SPRY1: variants seen among roughly 807,000 people sequenced by gnomAD.
The protein encoded by SPRY1 is sprouty RTK signaling antagonist 1.
SPRY1 carries 20 observed loss-of-function variants against 22.6 expected under a neutral mutation model. The ratio of observed to expected loss-of-function variants is 0.89; its 90% CI spans 0.62 to 1.29. The LOEUF (loss-of-function observed/expected upper bound fraction) is 1.29, where lower values mean the gene tolerates loss of function less well. SPRY1 is among the 50% of genes most tolerant of loss of function. The probability of loss-of-function intolerance (pLI) is 0.00; values close to 1 mark genes in which losing one functional copy is unlikely to be tolerated. For synonymous variants in SPRY1, 155 were observed against 144.7 expected, an observed-to-expected ratio of 1.07 and a Z score of -0.51; for missense variants, 446 against 387.7, an observed-to-expected ratio of 1.15 and a Z score of -1.26.
At chr4:123,399,950 C>A (rs1381256845) in intron 2 of SPRY1, 1 of 152,132 alleles carries the variant, frequency 6.6e-6, no homozygotes, top group African/African-American at 2.4e-5. Context: ...TTTTGTCTGG[C>A]AACTTTATTT....
chr4:123,401,034 CTTAA>C (rs1429456312), intron 2 of SPRY1, among the ~76,000 whole-genome samples: 2 of 152,112 alleles, frequency 1.3e-5, no homozygotes, highest in African/African-American at 4.8e-5. Context: ...TTTTTAATGC[CTTAA>C]TTTTTTTCAT....
At chr4:123,397,165 G>T (rs1305168439) in intron 1 of SPRY1, among the ~76,000 whole-genome samples, 1 of 152,164 alleles carries the variant, frequency 6.6e-6, no homozygotes, top group African/African-American at 2.4e-5. Context: ...AACAGTAGAC[G>T]TTTAAAGTCT....
intron 2 of SPRY1, 28 bp from the exon 3 acceptor site, chr4:123,401,509 G>T: frequency 4.0e-6 from 6 of 1,515,650 alleles, no homozygotes; most frequent in South Asian, 2.7e-5. Context: ...TTTATTTTCT[G>T]TTTTTTTCAT....
At position 123,402,669 on chromosome 4, in the gene SPRY1, C is replaced by G; in HGVS notation, c.*118C>G. On this transcript the variant is annotated 3_prime_UTR_variant, in exon 3 of 3. Coordinates refer to ENST00000651917, the MANE Select transcript of SPRY1 (RefSeq NM_001258038.2). ...TTCCCTGTTTCCCACCTTCTCTTCC[C>G]CTGTTGCCAAGGTCTAACTCATGGA... 1 of 1,329,628 alleles carries G rather than the reference C, an allele frequency of 7.5e-7. No individual in the cohort carries two copies. The highest frequency in any genetic ancestry group is 2.4e-5 in the East Asian group (1 of 42,104). The allele number at this position is 1,329,628 out of a possible 1,614,324, so 82.4% of individuals were successfully genotyped here.
rs766226331 is a variant in SPRY1 at position 123,401,649 on chromosome 4, T to C, written c.58T>C (p.Ser20Pro). Residue 20 changes from serine to proline, a missense_variant, in exon 3 of 3, where the codon TCT (serine) becomes CCT (proline). Transcript: ENST00000651917. Reference sequence around the variant, plus strand: ...TTCGTTAGTTGTGATCCAGCAGCCTTCTTTGGATAGCCGTCAGAGATTAGA... The same window carrying C: ...TTCGTTAGTTGTGATCCAGCAGCCTCCTTTGGATAGCCGTCAGAGATTAGA... ...GSSLVVIQQPSLDSRQRLDYE... is the reference protein window; with the variant it reads ...GSSLVVIQQPPLDSRQRLDYE... 5 of 1,614,162 alleles carry C rather than the reference T, an allele frequency of 3.1e-6. No individual in the cohort carries two copies. Among genetic ancestry groups the C allele is most frequent in the East Asian group, 2.2e-5 (1 of 44,874 alleles).
intron 2 of SPRY1, among the ~76,000 whole-genome samples, chr4:123,400,841 T>C (rs1186010992): frequency 6.6e-6 from 1 of 152,178 alleles, no homozygotes; most frequent in Non-Finnish European, 1.5e-5. Flanking sequence ...TTATATATCA[T>C]TCACTGGACT....
Position 123,402,719 on chromosome 4 carries a change from C to A in SPRY1, c.*168C>A. On this transcript the variant is annotated 3_prime_UTR_variant, in exon 3 of 3. Coordinates refer to ENST00000651917, the MANE Select transcript of SPRY1 (RefSeq NM_001258038.2). ...ATTTTTCTCTTTCCTCATGGATGAT[C>A]TTCAGCAAGAGTGGACTGGGAAGCT... 1 of 887,696 alleles carries A rather than the reference C, an allele frequency of 1.1e-6. No individual in the cohort carries two copies. The highest frequency in any genetic ancestry group is 1.7e-6 in the Non-Finnish European group (1 of 592,034). 55.0% of individuals were successfully genotyped at this position (887,696 alleles called of 1,614,324 possible).
At position 123,397,862 on chromosome 4, in the gene SPRY1, A is replaced by C. The variant is rs2126194420; in HGVS notation, c.-56+6A>C. ...AAAAAAAAAAAAAGAAAAGGGTAAA[A>C]AAATCCCCCTCCCCCTCCCGGCCGC... is the stretch of plus-strand genomic sequence containing the variant. On this transcript the variant is annotated splice_donor_region_variant and intron_variant, in intron 2 of 2. Transcript: ENST00000651917. 6.6e-6 allele frequency: 1 copy of C among 151,684 alleles called. No individual in the cohort carries two copies. The highest frequency in any genetic ancestry group is 2.4e-5 in the African/African-American group (1 of 41,376). The allele number at this position is 151,684 out of a possible 1,614,324, so 9.4% of individuals were successfully genotyped here. A position where few individuals can be genotyped will look rare whatever the true frequency, so the allele number is the denominator to read the frequency against.
chr4:123,402,414 C>T lies in SPRY1; in HGVS notation c.823C>T (p.Pro275Ser), dbSNP rs776763816. Reference protein sequence around the residue: ...LFLPCLLCYPPAKGCLKLCRR... With the variant: ...LFLPCLLCYPSAKGCLKLCRR... ...TTTACCTTGCTTACTCTGTTATCCT[C>T]CTGCTAAAGGATGCCTGAAGCTGTG... The change falls in exon 3 of 3, where the codon CCT becomes TCT. Residue 275 changes from proline (P) to serine (S), a missense_variant. Transcript: ENST00000651917. 1.1e-5 allele frequency: 18 copies of T among 1,614,060 alleles called. No homozygotes were observed. Among genetic ancestry groups the T allele is most frequent in the East Asian group, 6.7e-5 (3 of 44,894 alleles).
intron 2 of SPRY1, among the ~76,000 whole-genome samples, chr4:123,401,190 C>G (rs1333701649): frequency 6.6e-6 from 1 of 152,190 alleles, no homozygotes; most frequent in Non-Finnish European, 1.5e-5. Context: ...GAGAGTTATT[C>G]TCCTGCTTAT....
At position 123,402,353 on chromosome 4, in the gene SPRY1, C is replaced by G. The variant is rs750666163; in HGVS notation, c.762C>G (p.Cys254Trp). 1.2e-6 allele frequency: 2 copies of G among 1,614,212 alleles called. No homozygotes were observed. Among genetic ancestry groups the G allele is most frequent in the Non-Finnish European group, 1.7e-6 (2 of 1,180,030 alleles). The change falls in exon 3 of 3, where the codon TGC (cysteine) becomes TGG (tryptophan). Residue 254 changes from cysteine (C) to tryptophan (W), a missense_variant. By Grantham distance (215) the Cys-to-Trp change is radical. Transcript: ENST00000651917. ...GCTCCTGTTCACAATCACACTGCTGCTCTAGATACCTGTGTATGGGAGCCA... is the reference window on the plus strand; with the variant it reads ...GCTCCTGTTCACAATCACACTGCTGGTCTAGATACCTGTGTATGGGAGCCA... Reference protein sequence around the residue: ...NPCSCSQSHCCSRYLCMGAMS... With the variant: ...NPCSCSQSHCWSRYLCMGAMS...
chr4:123,400,357 C>T (rs1725096597), intron 2 of SPRY1: 1 of 152,172 alleles, frequency 6.6e-6, no homozygotes, highest in South Asian at 2.1e-4. Context: ...TGCGTTGTTC[C>T]TTAAACCATG....
In SPRY1 at chr4:123,401,797, C is replaced by G. The variant is rs754063951; in HGVS notation, c.206C>G (p.Pro69Arg). 13 of 1,614,150 alleles carry G rather than the reference C, an allele frequency of 8.1e-6. No individual in the cohort carries two copies. The highest frequency in any genetic ancestry group is 1.1e-5 in the Non-Finnish European group (13 of 1,180,032). ...AAAAGACCTGCTCCTCGGACAGCAC[C>G]AAGACAAGAAAAGCATGAAAGGACT... ...VVKRPAPRTA[P>R]RQEKHERTHE... is the part of the protein sequence containing the mutation. The change falls in exon 3 of 3, where the codon CCA (proline) becomes CGA (arginine). Residue 69 changes from proline to arginine, a missense_variant. Pro to Arg is a moderately radical substitution (Grantham distance 103). Transcript: ENST00000651917.
chr4:123,402,792 G>T lies in SPRY1; in HGVS notation c.*241G>T, dbSNP rs1725229366. On this transcript the variant is annotated 3_prime_UTR_variant, in exon 3 of 3. Coordinates refer to ENST00000651917, the MANE Select transcript of SPRY1 (RefSeq NM_001258038.2). Reference sequence around the variant, plus strand: ...AAGAGCCTCTGCCATCCACTTGAGGGTATTGAGAGCCAGTGGGCTTTTGTG... The same window carrying T: ...AAGAGCCTCTGCCATCCACTTGAGGTTATTGAGAGCCAGTGGGCTTTTGTG... The T allele has an allele frequency of 3.5e-6, 2 of 569,302 alleles. No homozygotes were observed. Among genetic ancestry groups the T allele is most frequent in the Middle Eastern group, 4.7e-4 (1 of 2,136 alleles). 35.3% of individuals were successfully genotyped at this position (569,302 alleles called of 1,614,324 possible).
Position 123,403,365 on chromosome 4 carries a change from A to G in SPRY1, c.*814A>G, listed in dbSNP as rs905149672. 6.0e-6 allele frequency: 1 copy of G among 167,088 alleles called. No homozygotes were observed. Among genetic ancestry groups the G allele is most frequent in the Admixed American group, 6.5e-5 (1 of 15,280 alleles). 10.4% of individuals were successfully genotyped at this position (167,088 alleles called of 1,614,324 possible). Reference sequence around the variant, plus strand: ...TCAAGTTGATATTTATAGCTGATCAATCTATATGTGTCACAGAACTATGCT... The same window carrying G: ...TCAAGTTGATATTTATAGCTGATCAGTCTATATGTGTCACAGAACTATGCT... On this transcript the variant is annotated 3_prime_UTR_variant, in exon 3 of 3. Transcript: ENST00000651917.
chr4:123,401,947 G>A lies in SPRY1; in HGVS notation c.356G>A (p.Ser119Asn). The change falls in exon 3 of 3, where the codon AGT (serine) becomes AAT (asparagine). Residue 119 changes from serine to asparagine, a missense_variant. Physicochemically the swap from Ser to Asn is conservative, Grantham distance 46. Coordinates refer to ENST00000651917, the MANE Select transcript of SPRY1 (RefSeq NM_001258038.2). ...PILSRSTSTG[S>N]AASSGSNSSA... ...TTGAGCAGATCAACCAGCACTGGAA[G>A]TGCAGCCAGCTCTGGGAGCAACAGC... The A allele has an allele frequency of 6.2e-7, 1 of 1,614,204 alleles. No homozygotes were observed. Among genetic ancestry groups the A allele is most frequent in the African/African-American group, 1.3e-5 (1 of 75,058 alleles).
In SPRY1 at chr4:123,401,769, G is replaced by C. The variant is rs747809146; in HGVS notation, c.178G>C (p.Val60Leu). ...TGAATACACAGAAGGGCCTTCGGTG[G>C]TGAAAAGACCTGCTCCTCGGACAGC... ...SNEYTEGPSV[V>L]KRPAPRTAPR... Residue 60 changes from valine (V) to leucine (L), a missense_variant, in exon 3 of 3, where the codon GTG becomes CTG. Transcript: ENST00000651917. The C allele has an allele frequency of 2.5e-6, 4 of 1,614,208 alleles. No homozygotes were observed. The highest frequency in any genetic ancestry group is 3.4e-6 in the Non-Finnish European group (4 of 1,180,042).
At chr4:123,399,798 T>C (rs1433449700) in intron 2 of SPRY1, 1 of 152,274 alleles carries the variant, frequency 6.6e-6, no homozygotes, top group African/African-American at 2.4e-5. Flanking sequence ...CGAAAAGGTA[T>C]TCTACTTCCA....
chr4:123,400,388 G>A (rs1725097602), intron 2 of SPRY1: 1 of 152,212 alleles, frequency 6.6e-6, no homozygotes, highest in Admixed American at 6.5e-5. Context: ...CAGGTTGGTA[G>A]TGGAGAATGG....
Sources: gnomAD v4.1 joint callset for allele counts (sites outside exome capture counted in the v4.1 genomes callset) on GRCh38, gnomAD v4.1.1 for gene constraint, MANE v1.5 for transcripts, NCBI Gene and HGNC (gene_info 2026-07-23, HGNC 2026-07-21) for gene names.